Variants in RGS9 observed in about 807,000 individuals in gnomAD.
The protein encoded by RGS9 is regulator of G protein signaling 9.
Under a neutral mutation model 102.0 loss-of-function variants are expected in RGS9, and 78 were observed. The ratio of observed to expected loss-of-function variants is 0.76; its 90% CI spans 0.64 to 0.92. RGS9 has a LOEUF of 0.92. RGS9 is among the 40% of genes least tolerant of loss of function. The pLI is 0.00. For synonymous variants in RGS9, 353 were observed against 318.6 expected (o/e 1.11, Z -1.15); for missense variants, 833 against 866.1 (o/e 0.96, Z 0.48).
In RGS9 at chr17:65,225,429, A is replaced by C. The variant is rs1473005066; in HGVS notation, c.1835A>C (p.Gln612Pro). The C allele has an allele frequency of 2.5e-6, 4 of 1,609,456 alleles. No homozygotes were observed. The highest frequency in any genetic ancestry group is 1.7e-6 in the Non-Finnish European group (2 of 1,180,014). Residue 612 changes from glutamine to proline, a missense_variant, in exon 18 of 19, where the codon CAG becomes CCG. By Grantham distance (76) the Gln-to-Pro change is moderately conservative. Transcript: ENST00000262406. ...CCTGCTGTGTCCCACGGGAGGGTGC[A>C]GCCCCTGGGGGACGTGGGCCAGCAG... Reference protein sequence around the residue: ...KCPAVSHGRVQPLGDVGQQLP... With the variant: ...KCPAVSHGRVPPLGDVGQQLP...
chr17:65,200,177 G>A (rs970854868), intron 13 of RGS9, among the ~76,000 whole-genome samples: 12 of 151,954 alleles, frequency 7.9e-5, no homozygotes, highest in African/African-American at 2.2e-4. Flanking sequence ...GATTAGAGGC[G>A]CCCGCCACCA....
At chr17:65,152,446 A>G (rs1325733885) in intron 1 of RGS9, among the ~76,000 whole-genome samples, 1 of 152,260 alleles carries the variant, frequency 6.6e-6, no homozygotes, top group Non-Finnish European at 1.5e-5. Context: ...GAAGAGTGAC[A>G]TATTCTAAAA....
chr17:65,196,292 C>T (rs906004240), intron 12 of RGS9, among the ~76,000 whole-genome samples: 6 of 152,194 alleles, frequency 3.9e-5, no homozygotes, highest in Admixed American at 2.0e-4. Flanking sequence ...ACTTGCTTGG[C>T]ATGCTTTATC....
In RGS9 at chr17:65,225,046, C is replaced by A; in HGVS notation, c.1452C>A (p.Thr484=). The stretch of plus-strand genomic sequence containing the variant: ...CCAGCCCCCATCTGACCGTGTACAC[C>A]GGGACCTGCATGCCCCCGTCTCCTT... ...MAPSPHLTVY[T]GTCMPPSPSS... The change falls in exon 18 of 19, where the codon ACC becomes ACA. Residue 484 remains threonine (T), a synonymous_variant. Transcript: ENST00000262406. 6.2e-7 allele frequency: 1 copy of A among 1,613,962 alleles called. No individual in the cohort carries two copies. The highest frequency in any genetic ancestry group is 8.5e-7 in the Non-Finnish European group (1 of 1,179,984).
intron 1 of RGS9, among the ~76,000 whole-genome samples, chr17:65,145,786 C>T (rs982395810): frequency 9.9e-5 from 15 of 151,992 alleles, no homozygotes; most frequent in African/African-American, 2.9e-4. Context: ...TGTAGGGGGA[C>T]GCAGTTCAGC....
At chr17:65,210,692 A>C in intron 17 of RGS9, 87 bp downstream of exon 17, 1 of 1,589,298 alleles carries the variant, frequency 6.3e-7, no homozygotes, top group East Asian at 2.3e-5. Context: ...GGGGTCATGC[A>C]CTTGGGAGAG....
chr17:65,190,973 G>C lies in RGS9; in HGVS notation c.746+737G>C, dbSNP rs1912343587. On this transcript the variant is annotated intron_variant, in intron 11 of 18. Coordinates refer to ENST00000262406, the MANE Select transcript of RGS9 (RefSeq NM_003835.4). ...GACTGAAGATGCTGTTTTGTTTAGT[G>C]CCTTCCTTCAATATGTTTAAGGGTT... is the stretch of plus-strand genomic sequence containing the variant. 2.0e-5 allele frequency among the ~76,000 whole-genome samples: 3 copies of C among 152,144 alleles called. No individual in the cohort carries two copies. In the South Asian group the frequency reaches 6.2e-4, roughly 32 times the overall value.
Position 65,189,288 on chromosome 17 carries a change from A to T in RGS9, c.657A>T (p.Lys219Asn). The T allele has an allele frequency of 6.2e-7, 1 of 1,612,392 alleles. No homozygotes were observed. Among genetic ancestry groups the T allele is most frequent in the African/African-American group, 1.3e-5 (1 of 75,024 alleles). Residue 219 changes from lysine to asparagine, a missense_variant and splice_region_variant, in exon 10 of 19, where the codon AAA (lysine) becomes AAT (asparagine). This residue lies in a region of RGS9 where 328 missense variants were observed against 340.6 expected (regional missense o/e 0.96). Coordinates refer to ENST00000262406, the MANE Select transcript of RGS9 (RefSeq NM_003835.4). ...GGTTTTGTTTCTTTGTCTTACAGAA[A>T]CAAACAGTCGTTGCTGTCAAAAAAG... ...TNPNEVKVNQ[K>N]QTVVAVKKEI...
At chr17:65,218,202 A>T (rs551273074) in intron 17 of RGS9, among the ~76,000 whole-genome samples, 1 of 152,248 alleles carries the variant, frequency 6.6e-6, no homozygotes, top group Non-Finnish European at 1.5e-5. Context: ...CCAAGCAGCC[A>T]TTCAGGAAAA....
chr17:65,155,431 T>A (rs1400176791), intron 2 of RGS9, among the ~76,000 whole-genome samples: 1 of 152,230 alleles, frequency 6.6e-6, no homozygotes, highest in African/African-American at 2.4e-5. Flanking sequence ...CATGAGTCAC[T>A]TATTGTCTGT....
At chr17:65,184,442 G>T (rs763905752) in intron 9 of RGS9, among the ~76,000 whole-genome samples, 9 of 152,154 alleles carry the variant, frequency 5.9e-5, no homozygotes, top group Non-Finnish European at 1.0e-4. Flanking sequence ...TGGTGTAGTA[G>T]CCCTAATGAA....
intron 12 of RGS9, among the ~76,000 whole-genome samples, chr17:65,195,794 C>G (rs552962684): frequency 6.6e-6 from 1 of 152,206 alleles, no homozygotes; most frequent in Non-Finnish European, 1.5e-5. Context: ...CCACTATCAG[C>G]GTTTTTTGAA....
At chr17:65,216,296 A>C (rs1913520013) in intron 17 of RGS9, among the ~76,000 whole-genome samples, 1 of 152,210 alleles carries the variant, frequency 6.6e-6, no homozygotes, top group Admixed American at 6.5e-5. Flanking sequence ...TTTTGCTCTG[A>C]AATTCCTGAC....
rs747170529 is a variant in RGS9, at chr17:65,160,580, C to T, written c.357C>T (p.Thr119=). ...CCCAGCAGTGGCCAGCTGAAGATAC[C>T]GATTACGGTAAATACTTCAGCCCCA... ...WPTQQWPAED[T]DYAIYLAKRN... Residue 119 remains threonine (T), a synonymous_variant, in exon 5 of 19, where the codon ACC becomes ACT. Transcript: ENST00000262406. 31 of 1,613,920 alleles carry T rather than the reference C, an allele frequency of 1.9e-5. No homozygotes were observed. The East Asian group carries it at 4.2e-4, about 22-fold the overall frequency.
chr17:65,190,100 G>A (rs913935183), intron 10 of RGS9, 75 bp from the exon 11 acceptor site: 2 of 1,209,674 alleles, frequency 1.7e-6, no homozygotes, highest in African/African-American at 3.0e-5. Flanking sequence ...TGGCTTCTGG[G>A]TTTGGAGGCT....
chr17:65,156,046 C>T (rs2143982054), intron 2 of RGS9, among the ~76,000 whole-genome samples: 1 of 151,982 alleles, frequency 6.6e-6, no homozygotes, highest in East Asian at 1.9e-4. Flanking sequence ...TTTTTTGAGA[C>T]AGGGTCTTTC....
chr17:65,151,802 C>T (rs530895868), intron 1 of RGS9, among the ~76,000 whole-genome samples: 37 of 152,318 alleles, frequency 2.4e-4, no homozygotes, highest in Middle Eastern at 3.4e-3. Context: ...AGTTTATTTT[C>T]GCTCTTCCAG....
In RGS9 at chr17:65,225,448, C is replaced by T. The variant is rs779028698; in HGVS notation, c.1854C>T (p.Gly618=). The T allele has an allele frequency of 1.2e-6, 2 of 1,606,160 alleles. No individual in the cohort carries two copies. The highest frequency in any genetic ancestry group is 8.5e-7 in the Non-Finnish European group (1 of 1,179,992). The change falls in exon 18 of 19, where the codon GGC becomes GGT. Residue 618 remains glycine, a synonymous_variant. Coordinates refer to ENST00000262406, the MANE Select transcript of RGS9 (RefSeq NM_003835.4). ...GGGTGCAGCCCCTGGGGGACGTGGG[C>T]CAGCAGCTGCCACGATTGAAATCCA... The part of the protein sequence containing the change: ...HGRVQPLGDV[G]QQLPRLKSKR...
At chr17:65,153,912 A>C (rs1318910127) in intron 2 of RGS9, among the ~76,000 whole-genome samples, 1 of 151,732 alleles carries the variant, frequency 6.6e-6, no homozygotes, top group African/African-American at 2.4e-5. Context: ...ACAAAACAAA[A>C]CAAAGCTTTA....
Sources: gnomAD v4.1 joint callset for allele counts (sites outside exome capture counted in the v4.1 genomes callset) on GRCh38, gnomAD v4.1.1 for gene constraint, gnomAD v4.1.1 regional missense constraint, MANE v1.5 for transcripts, NCBI Gene and HGNC (gene_info 2026-07-23, HGNC 2026-07-21) for gene names.